Variants in ANKRD28 observed in about 807,000 individuals in gnomAD.
ANKRD28 encodes the protein ankyrin repeat domain 28, also known as serine/threonine-protein phosphatase 6 regulatory ankyrin repeat subunit A.
In ANKRD28, 44 loss-of-function variants were observed where a neutral mutation model predicts 126.5. The observed-to-expected ratio is 0.35, with a 90% CI of 0.27 to 0.45. ANKRD28 has a LOEUF of 0.45. ANKRD28 is among the 20% of genes least tolerant of loss of function. The probability of loss-of-function intolerance (pLI) is 1.00; values close to 1 mark genes in which losing one functional copy is unlikely to be tolerated. For missense variants in ANKRD28, 1,110 were observed against 1,316.6 expected, an observed-to-expected ratio of 0.84 and a Z score of 2.43; for synonymous variants, 442 against 468.5, an observed-to-expected ratio of 0.94 and a Z score of 0.73.
In ANKRD28 at chr3:15,844,218, C is replaced by A. The variant is rs564223610; in HGVS notation, c.27+15159G>T. The stretch of plus-strand genomic sequence containing the variant: ...TCTAGTAATTAAAGTAGACTGGTCA[C>A]CCAAACAAAATCTCAAGAAATATAC... On this transcript the variant is annotated intron_variant, in intron 1 of 27. Transcript: ENST00000399451. Among the ~76,000 whole-genome samples, 9 of 152,144 alleles carry A rather than the reference C, an allele frequency of 5.9e-5. No homozygotes were observed. The East Asian group carries it at 1.7e-3, about 29-fold the overall frequency.
chr3:15,716,240 C>G (rs1388207663), intron 8 of ANKRD28, among the ~76,000 whole-genome samples: 2 of 151,410 alleles, frequency 1.3e-5, no homozygotes, highest in African/African-American at 4.8e-5. Flanking sequence ...CCTCGGCCTC[C>G]CAAAGTGCTA....
chr3:15,825,334 C>T (rs776135040), intron 1 of ANKRD28, among the ~76,000 whole-genome samples: 6 of 152,170 alleles, frequency 3.9e-5, no homozygotes, highest in South Asian at 4.1e-4. Flanking sequence ...TACTGTACAA[C>T]GCTAATTTTT....
chr3:15,780,461 A>G (rs1179590894), intron 2 of ANKRD28, among the ~76,000 whole-genome samples: 1 of 152,174 alleles, frequency 6.6e-6, no homozygotes, highest in Non-Finnish European at 1.5e-5. Context: ...TTCATGAACT[A>G]AAAAATTAAT....
In ANKRD28 at chr3:15,783,118, A is replaced by C. The variant is rs77655072; in HGVS notation, c.201+12105T>G. On this transcript the variant is annotated intron_variant, in intron 2 of 27. Transcript: ENST00000683139. ...CATCAAAATAAAACTTGAGCTTTTC[A>C]AAAACACTCTTAAGAGAATGAAAAT... 8.7e-4 allele frequency among the ~76,000 whole-genome samples: 132 copies of C among 152,158 alleles called. 2 individuals carry two copies. The East Asian group carries it at 0.023, about 27-fold the overall frequency.
chr3:15,814,511 T>A lies in ANKRD28; in HGVS notation c.28-19205A>T, dbSNP rs976832611. Among the ~76,000 whole-genome samples the A allele has an allele frequency of 6.6e-6, 1 of 152,184 alleles. No homozygotes were observed. ...AATACTAATCTGGGCAACAAAACAT[T>A]TTTTAAAGGCTTTCTTTATATATTA... On this transcript the variant is annotated intron_variant, in intron 1 of 27. Coordinates refer to the ANKRD28 transcript ENST00000399451. This position sits in a 1 kb window ranked among gnomAD's most constrained non-coding sequence, Gnocchi z 4.7.
At position 15,833,657 on chromosome 3, in the gene ANKRD28, T is replaced by C. The variant is rs1310952154; in HGVS notation, c.27+25720A>G. Among the ~76,000 whole-genome samples, 2 of 151,800 alleles carry C rather than the reference T, an allele frequency of 1.3e-5. No homozygotes were observed. Among genetic ancestry groups the C allele is most frequent in the African/African-American group, 4.8e-5 (2 of 41,380 alleles). On this transcript the variant is annotated intron_variant, in intron 1 of 27. Coordinates refer to the ANKRD28 transcript ENST00000399451. The surrounding 1 kb of genome is among the most constrained non-coding windows in gnomAD (Gnocchi z 4.4). ...TGTTGTTTTTTTGACCTTTTAATAG[T>C]AACTAACCATTCTGACTCATATAAG...
chr3:15,738,110 AAACTC>A (rs1225020872), intron 4 of ANKRD28, among the ~76,000 whole-genome samples: 111 of 152,312 alleles, frequency 7.3e-4, no homozygotes, highest in African/African-American at 2.5e-3. Context: ...AATCAGAACT[AAACTC>A]AACAAAATTT....
At chr3:15,706,091 A>C (rs2071340908) in intron 14 of ANKRD28, among the ~76,000 whole-genome samples, 1 of 151,994 alleles carries the variant, frequency 6.6e-6, no homozygotes. Flanking sequence ...GTGATTCTGA[A>C]ATCTTTTTTT....
intron 26 of ANKRD28, chr3:15,676,195 G>T: frequency 2.5e-6 from 1 of 403,860 alleles, no homozygotes; most frequent in Non-Finnish European, 4.4e-6. Context: ...CGTGTAGCTC[G>T]GCATCAAGCT....
Position 15,678,471 on chromosome 3 carries a change from C to G in ANKRD28, c.2562-117G>C, listed in dbSNP as rs558619511. The G allele has an allele frequency of 9.6e-4, 878 of 915,302 alleles. 1 individual carries two copies. The highest frequency in any genetic ancestry group is 1.2e-3 in the Non-Finnish European group (783 of 642,952). The allele number at this position is 915,302 out of a possible 1,614,324, so 56.7% of individuals were successfully genotyped here. On this transcript the variant is annotated intron_variant, in intron 23 of 27. Coordinates refer to ENST00000683139, the MANE Select transcript of ANKRD28 (RefSeq NM_001349278.2). ...GGGTTTACATATTAGGCTACAAAAGCACTGCCTGTACACAAACAAATAGGC... is the reference window on the plus strand; with the variant it reads ...GGGTTTACATATTAGGCTACAAAAGGACTGCCTGTACACAAACAAATAGGC...
intron 1 of ANKRD28, among the ~76,000 whole-genome samples, chr3:15,819,920 G>A (rs144777065): frequency 6.6e-6 from 1 of 152,290 alleles, no homozygotes; most frequent in African/African-American, 2.4e-5. Context: ...CATATGCAAT[G>A]CACTGTACTG....
At chr3:15,707,005 A>G (rs1189671619) in intron 14 of ANKRD28, among the ~76,000 whole-genome samples, 1 of 152,220 alleles carries the variant, frequency 6.6e-6, no homozygotes, top group Admixed American at 6.5e-5. Flanking sequence ...AATGGTTTTG[A>G]AATTAAAGAG....
chr3:15,848,759 T>C (rs561950352), intron 1 of ANKRD28, among the ~76,000 whole-genome samples: 1 of 151,910 alleles, frequency 6.6e-6, no homozygotes, highest in South Asian at 2.1e-4. Flanking sequence ...AAACCATCTA[T>C]GAAAAACCAA....
In ANKRD28 at chr3:15,795,303, A is replaced by G; in HGVS notation, c.121T>C (p.Ser41Pro). 2 of 1,603,346 alleles carry G rather than the reference A, an allele frequency of 1.2e-6. No individual in the cohort carries two copies. The highest frequency in any genetic ancestry group is 1.7e-6 in the Non-Finnish European group (2 of 1,170,474). ...CCGTTAAATATAGCTTGCACCAGTG[A>G]TGGCTAAAATAGAAGAGAGTAATAA... ...HSPPSGNVLP[S>P]LVQAIFNGDP... is the part of the protein sequence containing the mutation. The change falls in exon 2 of 28, where the codon TCA (serine) becomes CCA (proline). Residue 41 changes from serine (S) to proline (P), a missense_variant. Transcript: ENST00000683139.
At position 15,706,703 on chromosome 3, in the gene ANKRD28, C is replaced by T. The variant is rs553677985; in HGVS notation, c.1547+1221G>A. 2.7e-3 allele frequency among the ~76,000 whole-genome samples: 413 copies of T among 152,310 alleles called. 5 individuals are homozygous for T. The highest frequency in any genetic ancestry group is 2.1e-3 in the Non-Finnish European group (142 of 68,030). ...ATGGTTGAACTAGTTTATAGTCCCA[C>T]CAACAGTATAAAAGTGTTCCTATTT... On this transcript the variant is annotated intron_variant, in intron 14 of 27. Transcript: ENST00000683139.
At chr3:15,775,772 AG>A (rs938372661) in intron 2 of ANKRD28, among the ~76,000 whole-genome samples, 1 of 152,200 alleles carries the variant, frequency 6.6e-6, no homozygotes, top group Non-Finnish European at 1.5e-5. Context: ...ACCACCCTCC[AG>A]GAACTGCCAC....
chr3:15,753,409 G>A (rs934829952), intron 3 of ANKRD28, among the ~76,000 whole-genome samples: 1 of 152,306 alleles, frequency 6.6e-6, no homozygotes, highest in African/African-American at 2.4e-5. Flanking sequence ...AGCGTCTTTC[G>A]TTTTCCCACT....
intron 2 of ANKRD28, among the ~76,000 whole-genome samples, chr3:15,792,862 A>T (rs910171356): frequency 6.6e-6 from 1 of 152,052 alleles, no homozygotes; most frequent in Non-Finnish European, 1.5e-5. Context: ...ATTTTTTTTA[A>T]AACCCACTAA....
chr3:15,749,800 C>T (rs576215700), intron 4 of ANKRD28, among the ~76,000 whole-genome samples: 13 of 152,264 alleles, frequency 8.5e-5, no homozygotes, highest in African/African-American at 2.9e-4. Context: ...AGCTACTAGG[C>T]TCCGGGATGG....
Sources: allele counts gnomAD v4.1 joint callset (sites outside exome capture counted in the v4.1 genomes callset), GRCh38; gene constraint gnomAD v4.1.1; non-coding constraint Gnocchi (gnomAD v3.1); transcripts MANE v1.5; gene names NCBI Gene and HGNC (gene_info 2026-07-23, HGNC 2026-07-21).